Variants in MS4A15 observed in about 807,000 individuals in gnomAD.
MS4A15 encodes membrane spanning 4-domains A15.
In MS4A15, 22 loss-of-function variants were observed where a neutral mutation model predicts 20.6. The ratio of observed to expected loss-of-function variants is 1.07; its 90% CI spans 0.76 to 1.52. MS4A15 has a LOEUF of 1.52. MS4A15 is among the 40% of genes most tolerant of loss of function. MS4A15 has a pLI of 0.00. For missense variants in MS4A15, 312 were observed against 323.0 expected (o/e 0.97, Z 0.26); for synonymous variants, 129 against 129.3 (o/e 1.00, Z 0.02).
chr11:60,771,748 C>G (rs536637255), intron 4 of MS4A15: 1 of 1,228,610 alleles, frequency 8.1e-7, no homozygotes, highest in South Asian at 1.5e-5. Context: ...CTCCATCCAA[C>G]GAAGGCAAAG....
intron 1 of MS4A15, among the ~76,000 whole-genome samples, chr11:60,757,341 A>T (rs1414200042): frequency 6.6e-6 from 1 of 152,066 alleles, no homozygotes; most frequent in African/African-American, 2.4e-5. Context: ...GAGCAAGGTC[A>T]TTTTACTGAG....
rs1454245430 is a variant in MS4A15 at position 60,757,626 on chromosome 11, C to T, written c.-29+568C>T. Among the ~76,000 whole-genome samples, 3 of 152,138 alleles carry T rather than the reference C, an allele frequency of 2.0e-5. No homozygotes were observed. The East Asian group carries it at 5.8e-4, about 29-fold the overall frequency. ...CCTCCCCCTATAGAAAAGCCATTGC[C>T]CTCTTTTCCTCCACCCTTAAAGGGA... is the stretch of plus-strand genomic sequence containing the variant. On this transcript the variant is annotated intron_variant, in intron 1 of 6. Transcript: ENST00000405633.
chr11:60,757,723 A>G (rs1180069935), intron 1 of MS4A15, among the ~76,000 whole-genome samples: 1 of 152,128 alleles, frequency 6.6e-6, no homozygotes, highest in South Asian at 2.1e-4. Flanking sequence ...GCCGCCCAAG[A>G]GATGGTTCTT....
chr11:60,769,257 A>T lies in MS4A15; in HGVS notation c.348+1602A>T, dbSNP rs2134719781. 1.3e-5 allele frequency among the ~76,000 whole-genome samples: 2 copies of T among 152,242 alleles called. 1 individual carries two copies. Among genetic ancestry groups the T allele is most frequent in the South Asian group, 4.1e-4 (2 of 4,820 alleles). On this transcript the variant is annotated intron_variant, in intron 3 of 6. Transcript: ENST00000405633. ...CACCTGTGAGCTCCAACATTTAATCATTGTGTTGGATCTTCACATCACTGA... is the reference window on the plus strand; with the variant it reads ...CACCTGTGAGCTCCAACATTTAATCTTTGTGTTGGATCTTCACATCACTGA...
In MS4A15 at chr11:60,776,067, C is replaced by T. The variant is rs113032334; in HGVS notation, c.*352C>T. On this transcript the variant is annotated 3_prime_UTR_variant, in exon 7 of 7. Transcript: ENST00000405633. ...CAGGTTCGAGGCCTGCCCTGACCCT[C>T]GGGCCTCGGGAAGGTCAGAGAGCCC... is the stretch of plus-strand genomic sequence containing the variant. 1,458 of 174,652 alleles carry T rather than the reference C, an allele frequency of 8.3e-3. 23 individuals carry two copies. Among genetic ancestry groups the T allele is most frequent in the African/African-American group, 0.032 (1,363 of 42,722 alleles). The allele number at this position is 174,652 out of a possible 1,614,324, so 10.8% of individuals were successfully genotyped here.
intron 6 of MS4A15, among the ~76,000 whole-genome samples, chr11:60,774,477 G>A (rs1014352241): frequency 6.6e-5 from 10 of 152,172 alleles, no homozygotes; most frequent in Admixed American, 1.3e-4. Context: ...TGCTCTCCCC[G>A]TGGCACTGGG....
At chr11:60,771,661 G>C in intron 4 of MS4A15, 1 of 1,410,906 alleles carries the variant, frequency 7.1e-7, no homozygotes, top group Non-Finnish European at 9.4e-7. Context: ...GAGCAGAGAG[G>C]ACTTAGAAAT....
Position 60,771,353 on chromosome 11 carries a change from T to C in MS4A15, c.405+6T>C. ...AGAACCACACCAGTTGCCTGGTGAG[T>C]GTGAACAGGGGGACCCAGGGGCGGG... On this transcript the variant is annotated splice_donor_region_variant and intron_variant, in intron 4 of 6. Transcript: ENST00000405633. 1 of 1,613,860 alleles carries C rather than the reference T, an allele frequency of 6.2e-7. No individual in the cohort carries two copies. The highest frequency in any genetic ancestry group is 8.5e-7 in the Non-Finnish European group (1 of 1,179,988).
chr11:60,760,892 A>G (rs1224758255), intron 1 of MS4A15, among the ~76,000 whole-genome samples: 2 of 152,236 alleles, frequency 1.3e-5, no homozygotes, highest in African/African-American at 2.4e-5. Flanking sequence ...TCAACAGGCA[A>G]CTATCCGGCT....
intron 6 of MS4A15, among the ~76,000 whole-genome samples, chr11:60,775,317 C>CA (rs1166830368): frequency 2.5e-4 from 3 of 11,822 alleles, no homozygotes; most frequent in Admixed American, 1.0e-3. Context: ...AACTCTGTCT[C>CA]AAAAAAAAAA....
intron 5 of MS4A15, 65 bp downstream of exon 5, chr11:60,773,549 G>A: frequency 6.8e-7 from 1 of 1,464,770 alleles, no homozygotes; most frequent in Non-Finnish European, 9.5e-7. Flanking sequence ...GTCCAGGAGG[G>A]TAGGGAGGTG....
In MS4A15 at chr11:60,773,425, G is replaced by A. The variant is rs764559217; in HGVS notation, c.439G>A (p.Val147Ile). ...RSSLGTNILS[V>I]MAAFAGTAIL... ...CAGCCTGGGCACCAACATCCTCAGC[G>A]TCATGGCGGCCTTTGCTGGGACAGC... The change falls in exon 5 of 7, where the codon GTC becomes ATC. Residue 147 changes from valine to isoleucine, a missense_variant. Coordinates refer to ENST00000405633, the MANE Select transcript of MS4A15 (RefSeq NM_001098835.2). The A allele has an allele frequency of 8.7e-6, 14 of 1,613,544 alleles. No individual in the cohort carries two copies. The East Asian group carries it at 1.1e-4, about 13-fold the overall frequency.
At chr11:60,770,626 C>T (rs1194610431) in intron 3 of MS4A15, among the ~76,000 whole-genome samples, 1 of 151,534 alleles carries the variant, frequency 6.6e-6, no homozygotes, top group East Asian at 1.9e-4. Context: ...AAAAAAGCTC[C>T]TTGAGGGCAG....
intron 2 of MS4A15, 99 bp from the exon 3 acceptor site, chr11:60,767,434 C>T: frequency 7.4e-7 from 1 of 1,346,160 alleles, no homozygotes; most frequent in Non-Finnish European, 9.7e-7. Flanking sequence ...CAGTGGCCAA[C>T]AAGCGGGAGG....
chr11:60,775,057 T>C (rs1854152105), intron 6 of MS4A15, among the ~76,000 whole-genome samples: 1 of 152,160 alleles, frequency 6.6e-6, no homozygotes, highest in African/African-American at 2.4e-5. Flanking sequence ...GGCTCATGCC[T>C]GTAACCCCGG....
chr11:60,775,322 A>AAAAAG (rs1565075564), intron 6 of MS4A15, among the ~76,000 whole-genome samples: 1 of 147,674 alleles, frequency 6.8e-6, no homozygotes. Flanking sequence ...TGTCTCAAAA[A>AAAAAG]AAAAAAGAAA....
intron 2 of MS4A15, among the ~76,000 whole-genome samples, chr11:60,764,908 A>T (rs1029263282): frequency 4.1e-5 from 6 of 147,208 alleles, no homozygotes; most frequent in African/African-American, 5.0e-5. Context: ...GACCCCATTT[A>T]AAAAAAAAAA....
At position 60,770,319 on chromosome 11, in the gene MS4A15, G is replaced by A. The variant is rs530322776; in HGVS notation, c.349-972G>A. Reference sequence around the variant, plus strand: ...TTCCCCAATTAGAATATAAGTTCCGGCCGGGCACGGTGGCTGATGACTGTA... The same window carrying A: ...TTCCCCAATTAGAATATAAGTTCCGACCGGGCACGGTGGCTGATGACTGTA... On this transcript the variant is annotated intron_variant, in intron 3 of 6. Transcript: ENST00000405633. Among the ~76,000 whole-genome samples the A allele has an allele frequency of 5.9e-5, 9 of 152,274 alleles. No homozygotes were observed. The East Asian group carries it at 1.6e-3, about 26-fold the overall frequency.
rs531028833 is a variant in MS4A15 at position 60,760,679 on chromosome 11, A to C, written c.-28-3027A>C. 6.6e-5 allele frequency among the ~76,000 whole-genome samples: 10 copies of C among 152,312 alleles called. No individual in the cohort carries two copies. In the South Asian group the frequency reaches 2.1e-3, roughly 32 times the overall value. ...CAATAAGATCAACATACAACCCAAG[A>C]CTGGGATTCTCTGTAACTCAACCAG... On this transcript the variant is annotated intron_variant, in intron 1 of 6. Transcript: ENST00000405633.
Sources: allele counts gnomAD v4.1 joint callset (sites outside exome capture counted in the v4.1 genomes callset), GRCh38; gene constraint gnomAD v4.1.1; transcripts MANE v1.5; gene names NCBI Gene and HGNC (gene_info 2026-07-23, HGNC 2026-07-21).